Variants in SLC17A3 observed in about 807,000 individuals in gnomAD.
The protein encoded by SLC17A3 is sodium-dependent phosphate transport protein 4.
SLC17A3 carries 61 observed loss-of-function variants against 60.3 expected under a neutral mutation model. That is an observed-to-expected ratio of 1.01 (90% confidence interval 0.82 to 1.25). SLC17A3 has a LOEUF of 1.25. Ranked by LOEUF, SLC17A3 falls within the 50% of genes most tolerant of loss-of-function variation. The pLI is 0.00. For synonymous variants in SLC17A3, 192 were observed against 208.9 expected, an observed-to-expected ratio of 0.92 and a Z score of 0.70; for missense variants, 624 against 594.9, an observed-to-expected ratio of 1.05 and a Z score of -0.51.
intron 11 of SLC17A3, among the ~76,000 whole-genome samples, chr6:25,846,217 G>A (rs143124210): frequency 2.0e-5 from 3 of 151,976 alleles, no homozygotes; most frequent in Non-Finnish European, 4.4e-5. Flanking sequence ...AGAATTACTT[G>A]CCTTTAATAA....
In SLC17A3 at chr6:25,869,883, G is replaced by C. The variant is rs141272954; in HGVS notation, c.-33-1463C>G. 6.4e-3 allele frequency among the ~76,000 whole-genome samples: 971 copies of C among 151,974 alleles called. 8 individuals carry two copies. Among genetic ancestry groups the C allele is most frequent in the Non-Finnish European group, 9.4e-3 (641 of 67,910 alleles). ...AAAGTATGTACTCACTTTTCTCCTG[G>C]TTTATTTCACTCAGTATAATTATTC... is the stretch of plus-strand genomic sequence containing the variant. On this transcript the variant is annotated intron_variant, in intron 1 of 12. Transcript: ENST00000397060.
chr6:25,863,980 A>G lies in SLC17A3; in HGVS notation c.92-1536T>C, dbSNP rs890584822. Among the ~76,000 whole-genome samples, 6 of 152,100 alleles carry G rather than the reference A, an allele frequency of 3.9e-5. No homozygotes were observed. The East Asian group carries it at 9.6e-4, about 24-fold the overall frequency. ...GCACAAAATATGAAACACAAACAGT[A>G]AATCAAATAATGTATTAGAAGGTGA... On this transcript the variant is annotated intron_variant, in intron 2 of 12. Coordinates refer to ENST00000397060, the MANE Select transcript of SLC17A3 (RefSeq NM_001098486.2).
At position 25,861,926 on chromosome 6, in the gene SLC17A3, C is replaced by A; in HGVS notation, c.407G>T (p.Arg136Ile). The change falls in exon 4 of 13, where the codon AGA becomes ATA. Residue 136 changes from arginine to isoleucine, a missense_variant. By Grantham distance (97) the Arg-to-Ile change is moderately conservative (BLOSUM62 -3). Transcript: ENST00000397060. ...GCCAACCACTCGCTTTGTTCCTACT[C>A]TTCCAGCCAGGTATCCACTGGGAGC... Reference protein sequence around the residue: ...TMAPSGYLAGRVGTKRVVGIS... With the variant: ...TMAPSGYLAGIVGTKRVVGIS... The A allele has an allele frequency of 6.2e-7, 1 of 1,612,788 alleles. No homozygotes were observed. Among genetic ancestry groups the A allele is most frequent in the Non-Finnish European group, 8.5e-7 (1 of 1,179,454 alleles).
Position 25,861,688 on chromosome 6 carries a change from A to T in SLC17A3, c.561T>A (p.Phe187Leu), listed in dbSNP as rs1240320916. ...GAGGGCCCCACTTTTCCCAAATTGC[A>T]AACTGACCCCCAAGTATTGAGGACT... Reference protein sequence around the residue: ...LSQSSILGGQFAIWEKWGPPQ... With the variant: ...LSQSSILGGQLAIWEKWGPPQ... The change falls in exon 5 of 13, where the codon TTT (phenylalanine) becomes TTA (leucine). Residue 187 changes from phenylalanine to leucine, a missense_variant. Transcript: ENST00000397060. The T allele has an allele frequency of 1.2e-6, 2 of 1,614,040 alleles. No homozygotes were observed. Among genetic ancestry groups the T allele is most frequent in the Non-Finnish European group, 1.7e-6 (2 of 1,179,894 alleles).
At chr6:25,864,477 G>A (rs879290217) in intron 2 of SLC17A3, among the ~76,000 whole-genome samples, 1 of 151,962 alleles carries the variant, frequency 6.6e-6, no homozygotes, top group Non-Finnish European at 1.5e-5. Flanking sequence ...CTAAGATGTG[G>A]TCAGACCCCA....
At chr6:25,861,549 C>T in intron 5 of SLC17A3, 75 bp downstream of exon 5, 1 of 1,109,726 alleles carries the variant, frequency 9.0e-7, no homozygotes, top group African/African-American at 1.5e-5. Context: ...AGGAACTATG[C>T]AATGAAAAGT....
Position 25,845,188 on chromosome 6 carries a change from T to C in SLC17A3, c.*113A>G, listed in dbSNP as rs554637340. 3.7e-6 allele frequency: 2 copies of C among 547,818 alleles called. No individual in the cohort carries two copies. The highest frequency in any genetic ancestry group is 2.2e-5 in the South Asian group (1 of 46,460). 33.9% of individuals were successfully genotyped at this position (547,818 alleles called of 1,614,324 possible). A position where few individuals can be genotyped will look rare whatever the true frequency, so the allele number is the denominator to read the frequency against. On this transcript the variant is annotated 3_prime_UTR_variant, in exon 13 of 13. Transcript: ENST00000397060. Reference sequence around the variant, plus strand: ...ATAAAATAATGAACTGATCTCATAATTGAAAAGAGCCACAGGAAAAAAAAA... The same window carrying C: ...ATAAAATAATGAACTGATCTCATAACTGAAAAGAGCCACAGGAAAAAAAAA...
chr6:25,856,170 G>T (rs935460662), intron 5 of SLC17A3, among the ~76,000 whole-genome samples: 35 of 151,234 alleles, frequency 2.3e-4, no homozygotes, highest in Non-Finnish European at 3.1e-4. Context: ...AAAATATTGG[G>T]TTTTTTTTTC....
At chr6:25,852,348 G>A (rs1765292624) in intron 6 of SLC17A3, among the ~76,000 whole-genome samples, 1 of 152,002 alleles carries the variant, frequency 6.6e-6, no homozygotes, top group Non-Finnish European at 1.5e-5. Flanking sequence ...TGGGCTTGAG[G>A]TTCATTGACT....
chr6:25,850,460 T>C lies in SLC17A3; in HGVS notation c.992A>G (p.Asp331Gly). The C allele has an allele frequency of 1.2e-6, 2 of 1,613,700 alleles. No individual in the cohort carries two copies. Among genetic ancestry groups the C allele is most frequent in the South Asian group, 2.2e-5 (2 of 91,066 alleles). The change falls in exon 8 of 13, where the codon GAC (aspartate) becomes GGC (glycine). Residue 331 changes from aspartate (D) to glycine (G), a missense_variant and splice_region_variant. Asp to Gly is a moderately conservative substitution (Grantham distance 94). Coordinates refer to ENST00000397060, the MANE Select transcript of SLC17A3 (RefSeq NM_001098486.2). ...ISSVYHVNIR[D>G]NGLLSALPFI... ...AGGAAGGGAAGGAAACATACTCACG[T>C]CTCTGATGTTAACATGGTACACAGA...
intron 11 of SLC17A3, 120 bp downstream of exon 11, chr6:25,849,254 T>C: frequency 1.4e-6 from 1 of 703,232 alleles, no homozygotes. Context: ...AGCAGGTTCA[T>C]CTTAATGACA....
chr6:25,857,002 G>A (rs1765367644), intron 5 of SLC17A3, among the ~76,000 whole-genome samples: 1 of 152,054 alleles, frequency 6.6e-6, no homozygotes, highest in South Asian at 2.1e-4. Flanking sequence ...TGGGCAATGA[G>A]TAATATCCTG....
At chr6:25,868,442 C>G (rs1765575763) in intron 1 of SLC17A3, 22 bp from the exon 2 acceptor site, 3 of 1,406,208 alleles carry the variant, frequency 2.1e-6, no homozygotes, top group Non-Finnish European at 3.0e-6. Context: ...ATATGTAATT[C>G]ACATGCATCA....
chr6:25,854,846 C>T (rs1765333420), intron 6 of SLC17A3, among the ~76,000 whole-genome samples: 1 of 152,144 alleles, frequency 6.6e-6, no homozygotes, highest in Non-Finnish European at 1.5e-5. Flanking sequence ...TTTCTTCCTT[C>T]CGTGTCTTAC....
intron 6 of SLC17A3, among the ~76,000 whole-genome samples, chr6:25,851,222 G>C (rs1240373680): frequency 1.3e-5 from 2 of 148,788 alleles, no homozygotes; most frequent in Non-Finnish European, 3.0e-5. Context: ...ATCTTTTTTT[G>C]ATGAAGTGTC....
intron 1 of SLC17A3, among the ~76,000 whole-genome samples, chr6:25,873,280 C>G (rs1250360737): frequency 6.6e-6 from 1 of 152,060 alleles, no homozygotes; most frequent in Non-Finnish European, 1.5e-5. Flanking sequence ...GTTTTAACAG[C>G]TCTCTTTATT....
intron 2 of SLC17A3, 90 bp from the exon 3 acceptor site, chr6:25,862,534 C>G: frequency 9.7e-7 from 1 of 1,030,736 alleles, no homozygotes; most frequent in Non-Finnish European, 1.5e-6. Context: ...TACCTGATCA[C>G]TTAACGATTT....
chr6:25,865,907 G>A (rs1015800536), intron 2 of SLC17A3, among the ~76,000 whole-genome samples: 1 of 151,962 alleles, frequency 6.6e-6, no homozygotes. Flanking sequence ...CTGGAAGAGG[G>A]CACTGACACC....
At chr6:25,867,552 C>T (rs1028671545) in intron 2 of SLC17A3, among the ~76,000 whole-genome samples, 1 of 151,906 alleles carries the variant, frequency 6.6e-6, no homozygotes, top group Non-Finnish European at 1.5e-5. Flanking sequence ...TATATCATAA[C>T]TTACATACAT....
Sources: gnomAD v4.1 joint callset for allele counts (sites outside exome capture counted in the v4.1 genomes callset) on GRCh38, gnomAD v4.1.1 for gene constraint, MANE v1.5 for transcripts, NCBI Gene and HGNC (gene_info 2026-07-23, HGNC 2026-07-21) for gene names.